Variants in PRRX2 observed in about 807,000 individuals in gnomAD.
The protein encoded by PRRX2 is paired related homeobox 2.
Under a neutral mutation model 18.0 loss-of-function variants are expected in PRRX2, and 11 were observed. The observed-to-expected ratio is 0.61, with a 90% CI of 0.39 to 1.01. The LOEUF is 1.01. Ranked by LOEUF, PRRX2 falls within the 50% of genes least tolerant of loss-of-function variation. The pLI, the probability that PRRX2 is intolerant of heterozygous loss-of-function variation, is 0.01. For missense variants in PRRX2, 387 were observed against 351.0 expected, an observed-to-expected ratio of 1.10 and a Z score of -0.82; for synonymous variants, 177 against 154.8, an observed-to-expected ratio of 1.14 and a Z score of -1.06.
Position 129,665,982 on chromosome 9 carries a change from T to C in PRRX2, c.115T>C (p.Ser39Pro). Residue 39 changes from serine (S) to proline (P), a missense_variant, in exon 1 of 4, where the codon TCG (serine) becomes CCG (proline). Transcript: ENST00000372469. This position sits in a 1 kb window ranked among gnomAD's most constrained non-coding sequence, Gnocchi z 5.3. ...CTGCGCCCAGGCGCGCAAGAACTTC[T>C]CGGTGAGCCACCTCCTGGACCTGGA... is the stretch of plus-strand genomic sequence containing the variant. ...GDCAQARKNFSVSHLLDLEEV... is the reference protein window; with the variant it reads ...GDCAQARKNFPVSHLLDLEEV... 1 of 1,137,594 alleles carries C rather than the reference T, an allele frequency of 8.8e-7. No individual in the cohort carries two copies. Among genetic ancestry groups the C allele is most frequent in the South Asian group, 2.2e-5 (1 of 44,640 alleles). 70.5% of individuals were successfully genotyped at this position (1,137,594 alleles called of 1,614,324 possible).
intron 3 of PRRX2, 96 bp downstream of exon 3, chr9:129,720,870 T>C: frequency 2.3e-6 from 3 of 1,312,136 alleles, no homozygotes; most frequent in Non-Finnish European, 3.0e-6. Context: ...TGGAGAGAGC[T>C]TGAATGGTGT....
At chr9:129,702,710 G>A (rs1832512745) in intron 1 of PRRX2, among the ~76,000 whole-genome samples, 1 of 152,226 alleles carries the variant, frequency 6.6e-6, no homozygotes, top group Non-Finnish European at 1.5e-5. Flanking sequence ...TTGCGGGTGA[G>A]GGAGTGTCTA....
At chr9:129,678,098 G>A (rs1217002686) in intron 1 of PRRX2, among the ~76,000 whole-genome samples, 4 of 151,634 alleles carry the variant, frequency 2.6e-5, no homozygotes, top group African/African-American at 9.7e-5. Flanking sequence ...CGAGTAGCTA[G>A]AATTACAGGC....
intron 1 of PRRX2, among the ~76,000 whole-genome samples, chr9:129,688,924 TGGAAA>T (rs1185079625): frequency 6.6e-6 from 1 of 152,136 alleles, no homozygotes; most frequent in African/African-American, 2.4e-5. Context: ...ATTCATAGAA[TGGAAA>T]GGAAAGGAAA....
chr9:129,679,415 G>A (rs138560532), intron 1 of PRRX2, among the ~76,000 whole-genome samples: 2 of 152,094 alleles, frequency 1.3e-5, no homozygotes, highest in Non-Finnish European at 2.9e-5. Flanking sequence ...ACCATTTATT[G>A]TGCACCTGCC....
chr9:129,673,643 C>A (rs992931668), intron 1 of PRRX2, among the ~76,000 whole-genome samples: 13 of 138,028 alleles, frequency 9.4e-5, no homozygotes, highest in African/African-American at 2.5e-4. Flanking sequence ...CAGACCCATA[C>A]CCCCCATGCC....
At position 129,671,153 on chromosome 9, in the gene PRRX2, G is replaced by A. The variant is rs537053822; in HGVS notation, c.259+5027G>A. Among the ~76,000 whole-genome samples, 118 of 152,312 alleles carry A rather than the reference G, an allele frequency of 7.7e-4. No individual in the cohort carries two copies. Among genetic ancestry groups the A allele is most frequent in the Non-Finnish European group, 1.6e-3 (109 of 68,012 alleles). On this transcript the variant is annotated intron_variant, in intron 1 of 3. Coordinates refer to ENST00000372469, the MANE Select transcript of PRRX2 (RefSeq NM_016307.4). This position sits in a 1 kb window ranked among gnomAD's most constrained non-coding sequence, Gnocchi z 4.0. The stretch of plus-strand genomic sequence containing the variant: ...TGGGATGTGGGGTCTCTGAGCCTGG[G>A]TCTGAGCTGGGCCTGGTGCCTGGAC...
chr9:129,688,752 C>T (rs568170026), intron 1 of PRRX2, among the ~76,000 whole-genome samples: 17 of 152,292 alleles, frequency 1.1e-4, no homozygotes, highest in South Asian at 6.2e-4. Flanking sequence ...CTGAAGCAAA[C>T]GTGCACAGGG....
At chr9:129,696,970 AC>A (rs1228132360) in intron 1 of PRRX2, among the ~76,000 whole-genome samples, 1 of 152,094 alleles carries the variant, frequency 6.6e-6, no homozygotes, top group African/African-American at 2.4e-5. Context: ...TCGCTGTGTG[AC>A]CTTGGGCGAC....
chr9:129,696,545 C>T (rs1169417436), intron 1 of PRRX2, among the ~76,000 whole-genome samples: 1 of 152,118 alleles, frequency 6.6e-6, no homozygotes, highest in Non-Finnish European at 1.5e-5. Context: ...CGCTGCACTC[C>T]AGCCTGCGCC....
intron 1 of PRRX2, among the ~76,000 whole-genome samples, chr9:129,716,065 CTG>C (rs1832703127): frequency 6.6e-6 from 1 of 152,182 alleles, no homozygotes; most frequent in African/African-American, 2.4e-5. Context: ...GTTGGCCAAA[CTG>C]TAGGCAAAAC....
chr9:129,706,578 A>ATTAT (rs1480318427), intron 1 of PRRX2, among the ~76,000 whole-genome samples: 3 of 151,914 alleles, frequency 2.0e-5, no homozygotes, highest in Non-Finnish European at 4.4e-5. Flanking sequence ...AAAAAAAATA[A>ATTAT]TTATTTGAGC....
chr9:129,714,693 G>A (rs1832680174), intron 1 of PRRX2, among the ~76,000 whole-genome samples: 1 of 152,226 alleles, frequency 6.6e-6, no homozygotes, highest in Non-Finnish European at 1.5e-5. Context: ...AGCTTAACTG[G>A]CATGAAAGTG....
intron 1 of PRRX2, among the ~76,000 whole-genome samples, chr9:129,667,541 A>G (rs1419334917): frequency 1.3e-5 from 2 of 151,998 alleles, no homozygotes; most frequent in East Asian, 3.9e-4. Context: ...GAAGGAAAGG[A>G]GAAGGCAAGG....
intron 1 of PRRX2, among the ~76,000 whole-genome samples, chr9:129,696,054 C>G (rs1169950761): frequency 6.6e-6 from 1 of 150,754 alleles, no homozygotes; most frequent in Non-Finnish European, 1.5e-5. Flanking sequence ...CCCATAGGAG[C>G]TAAAGTCCAC....
chr9:129,679,359 C>T (rs1286002155), intron 1 of PRRX2, among the ~76,000 whole-genome samples: 1 of 152,114 alleles, frequency 6.6e-6, no homozygotes, highest in African/African-American at 2.4e-5. Flanking sequence ...GGGGAGGTGG[C>T]TGTGAGGGCC....
Position 129,695,776 on chromosome 9 carries a change from T to G in PRRX2, c.260-23455T>G, listed in dbSNP as rs528117712. Among the ~76,000 whole-genome samples, 8 of 152,124 alleles carry G rather than the reference T, an allele frequency of 5.3e-5. No homozygotes were observed. Among genetic ancestry groups the G allele is most frequent in the East Asian group, 1.9e-4 (1 of 5,170 alleles). On this transcript the variant is annotated intron_variant, in intron 1 of 3. Coordinates refer to ENST00000372469, the MANE Select transcript of PRRX2 (RefSeq NM_016307.4). The surrounding 1 kb of genome is among the most constrained non-coding windows in gnomAD (Gnocchi z 4.8). ...AGGCGGGGAACTTTTTAAAAGTGAG[T>G]TTTTTTTCTAAAATCCAGAATTTCT... is the stretch of plus-strand genomic sequence containing the variant.
At chr9:129,676,233 G>T (rs1832161514) in intron 1 of PRRX2, among the ~76,000 whole-genome samples, 1 of 151,726 alleles carries the variant, frequency 6.6e-6, no homozygotes, top group African/African-American at 2.4e-5. Flanking sequence ...GTGGGAATCA[G>T]GGGTGGCATG....
At chr9:129,720,541 A>C in intron 2 of PRRX2, 55 bp from the exon 3 acceptor site, 2 of 1,493,166 alleles carry the variant, frequency 1.3e-6, no homozygotes, top group Non-Finnish European at 1.8e-6. Flanking sequence ...CCAGGTCCAG[A>C]AGGACTTGGG....
Sources: allele counts gnomAD v4.1 joint callset (sites outside exome capture counted in the v4.1 genomes callset), GRCh38; gene constraint gnomAD v4.1.1; non-coding constraint Gnocchi (gnomAD v3.1); transcripts MANE v1.5; gene names NCBI Gene and HGNC (gene_info 2026-07-23, HGNC 2026-07-21).